Variants in BANK1 observed in about 807,000 individuals in gnomAD.
The protein encoded by BANK1 is B-cell scaffold protein with ankyrin repeats.
In BANK1, 95 loss-of-function variants were observed where a neutral mutation model predicts 94.5. That is an observed-to-expected ratio of 1.00 (90% CI 0.85 to 1.19). BANK1 has a LOEUF of 1.19. BANK1 is among the 50% of genes most tolerant of loss of function. BANK1 has a pLI of 0.00. For synonymous variants in BANK1, 334 were observed against 308.4 expected (o/e 1.08, Z -0.87); for missense variants, 987 against 932.2 (o/e 1.06, Z -0.77).
Position 102,021,608 on chromosome 4 carries a change from T to TCA in BANK1, c.1285+16_1285+17insCA. 3.1e-6 allele frequency: 3 copies of TCA among 960,854 alleles called. No individual in the cohort carries two copies. The highest frequency in any genetic ancestry group is 4.5e-6 in the Non-Finnish European group (3 of 660,300). The allele number at this position is 960,854 out of a possible 1,614,324, so 59.5% of individuals were successfully genotyped here. A position where few individuals can be genotyped will look rare whatever the true frequency, so the allele number is the denominator to read the frequency against. ...TATATTCCTTGTAAGTTTTTCCATG[T>TCA]TATATATATATATGACATATTCATA... On this transcript the variant is annotated intron_variant, in intron 8 of 16. Transcript: ENST00000322953.
intron 3 of BANK1, 115 bp from the exon 4 acceptor site, chr4:101,862,411 A>T: frequency 1.4e-6 from 1 of 737,236 alleles, no homozygotes; most frequent in Non-Finnish European, 2.0e-6. Flanking sequence ...TACAAACACC[A>T]TAGAAGACTT....
chr4:101,790,802 CG>C lies in BANK1; in HGVS notation c.-75del. On this transcript the variant is annotated 5_prime_UTR_variant, in exon 1 of 17. Coordinates refer to ENST00000322953, the MANE Select transcript of BANK1 (RefSeq NM_017935.5). ...CGAGGGCCAAAGGAAGAGAAAATCG[CG>C]GGGAGTCTCTGGCCGGGAGAGTCCA... 1 of 1,407,670 alleles carries C rather than the reference CG, an allele frequency of 7.1e-7. No individual in the cohort carries two copies. The allele number at this position is 1,407,670 out of a possible 1,614,324, so 87.2% of individuals were successfully genotyped here.
intron 1 of BANK1, among the ~76,000 whole-genome samples, chr4:101,815,264 T>C (rs565939710): frequency 3.9e-5 from 6 of 152,218 alleles, no homozygotes; most frequent in South Asian, 2.1e-4. Flanking sequence ...ACAGGTAAAA[T>C]TGGGGGACTG....
At chr4:101,953,514 C>T (rs955501856) in intron 7 of BANK1, among the ~76,000 whole-genome samples, 1 of 151,770 alleles carries the variant, frequency 6.6e-6, no homozygotes, top group Admixed American at 6.6e-5. Flanking sequence ...AACACTGTAT[C>T]ATTGCTTGTT....
At chr4:101,987,491 T>G (rs949343442) in intron 7 of BANK1, among the ~76,000 whole-genome samples, 2 of 152,172 alleles carry the variant, frequency 1.3e-5, no homozygotes, top group Admixed American at 1.3e-4. Context: ...TCATATATTT[T>G]GATATACTCA....
intron 1 of BANK1, among the ~76,000 whole-genome samples, chr4:101,805,279 A>C (rs1300190688): frequency 6.6e-6 from 1 of 152,172 alleles, no homozygotes; most frequent in East Asian, 1.9e-4. Flanking sequence ...ACATAAATGC[A>C]AGTAATTTAG....
chr4:101,849,603 GTATT>G (rs1285410808), intron 2 of BANK1, among the ~76,000 whole-genome samples: 2 of 151,904 alleles, frequency 1.3e-5, no homozygotes, highest in African/African-American at 4.8e-5. Context: ...TAATTTGTAT[GTATT>G]AACACATACT....
intron 9 of BANK1, among the ~76,000 whole-genome samples, chr4:102,028,277 T>C (rs1420279542): frequency 6.6e-6 from 1 of 152,218 alleles, no homozygotes; most frequent in Non-Finnish European, 1.5e-5. Flanking sequence ...CCTGTGTTGC[T>C]GTCAGTGAAC....
chr4:101,929,341 A>G (rs1723269619), intron 7 of BANK1, among the ~76,000 whole-genome samples: 1 of 151,562 alleles, frequency 6.6e-6, no homozygotes, highest in African/African-American at 2.4e-5. Context: ...TATGTATGAA[A>G]GGCCTTTAGG....
intron 5 of BANK1, among the ~76,000 whole-genome samples, chr4:101,883,903 G>A (rs1429411849): frequency 6.6e-6 from 1 of 152,144 alleles, no homozygotes; most frequent in Non-Finnish European, 1.5e-5. Flanking sequence ...GAAATTAGAA[G>A]ACTGAAAAAT....
intron 7 of BANK1, among the ~76,000 whole-genome samples, chr4:101,921,447 A>G (rs1722994182): frequency 1.3e-5 from 2 of 151,938 alleles, no homozygotes; most frequent in African/African-American, 4.8e-5. Flanking sequence ...AACGTGCATG[A>G]AAAGTTGAAA....
chr4:101,865,313 T>C (rs1183131930), intron 4 of BANK1, among the ~76,000 whole-genome samples: 1 of 152,128 alleles, frequency 6.6e-6, no homozygotes, highest in African/African-American at 2.4e-5. Flanking sequence ...TTTTGATGAA[T>C]GTCTGAAAGC....
chr4:101,903,148 C>G (rs934232499), intron 6 of BANK1, among the ~76,000 whole-genome samples: 10 of 152,084 alleles, frequency 6.6e-5, no homozygotes, highest in Non-Finnish European at 2.9e-5. Flanking sequence ...CATTATTAGC[C>G]CCATCTGTAA....
chr4:101,872,357 A>G (rs1046784166), intron 5 of BANK1, among the ~76,000 whole-genome samples: 1 of 152,154 alleles, frequency 6.6e-6, no homozygotes, highest in African/African-American at 2.4e-5. Context: ...ACAAAATCTG[A>G]GACTGGGATC....
chr4:102,030,595 C>A, intron 10 of BANK1, among the ~76,000 whole-genome samples: 1 of 151,222 alleles, frequency 6.6e-6, no homozygotes, highest in South Asian at 2.1e-4. Context: ...CCCCCCACCC[C>A]GCAACAGGCC....
rs1002534985 is a variant in BANK1, at chr4:101,883,485, T to C, written c.904-11820T>C. ...ATTTAGCTACTGTTAAGAATACATT[T>C]CACTAATGACTTATTAATTTATAGT... On this transcript the variant is annotated intron_variant, in intron 5 of 16. Coordinates refer to ENST00000322953, the MANE Select transcript of BANK1 (RefSeq NM_017935.5). Among the ~76,000 whole-genome samples, 3 of 152,238 alleles carry C rather than the reference T, an allele frequency of 2.0e-5. No individual in the cohort carries two copies. In the East Asian group the frequency reaches 5.8e-4, roughly 29 times the overall value.
chr4:102,064,190 T>G (rs1442108818), intron 13 of BANK1, among the ~76,000 whole-genome samples: 1 of 152,228 alleles, frequency 6.6e-6, no homozygotes, highest in Non-Finnish European at 1.5e-5. Flanking sequence ...TTTTAGCTAG[T>G]CCTTCGTGTT....
chr4:101,977,231 C>A lies in BANK1; in HGVS notation c.1207-44283C>A, dbSNP rs138394447. 21 of 152,214 alleles carry A rather than the reference C, an allele frequency of 1.4e-4. No homozygotes were observed. In the East Asian group the frequency reaches 4.1e-3, roughly 29 times the overall value. The allele number at this position is 152,214 out of a possible 1,614,324, so 9.4% of individuals were successfully genotyped here. A position where few individuals can be genotyped will look rare whatever the true frequency, so the allele number is the denominator to read the frequency against. ...AAGGACCCAGCCTGGCAGACTTCAT[C>A]ATTACTCATATTTCCATGCTTCTTG... is the stretch of plus-strand genomic sequence containing the variant. On this transcript the variant is annotated intron_variant, in intron 7 of 16. Transcript: ENST00000322953.
intron 7 of BANK1, among the ~76,000 whole-genome samples, chr4:101,944,788 A>T (rs753413254): frequency 2.0e-5 from 3 of 151,974 alleles, no homozygotes; most frequent in Non-Finnish European, 2.9e-5. Flanking sequence ...TGTGCTGAAG[A>T]GCTGAATGCA....
Sources: gnomAD v4.1 joint callset for allele counts (sites outside exome capture counted in the v4.1 genomes callset) on GRCh38, gnomAD v4.1.1 for gene constraint, MANE v1.5 for transcripts, NCBI Gene and HGNC (gene_info 2026-07-23, HGNC 2026-07-21) for gene names.